CREM: variants seen among roughly 807,000 people sequenced by gnomAD.
CREM encodes cAMP-responsive element modulator.
Under a neutral mutation model 37.3 loss-of-function variants are expected in CREM, and 13 were observed. The ratio of observed to expected loss-of-function variants is 0.35; its 90% CI spans 0.23 to 0.55. The LOEUF (loss-of-function observed/expected upper bound fraction) is 0.55. Among genes scored for constraint, CREM ranks in the 20% least tolerant of loss-of-function variants. The pLI is 0.88. For missense variants in CREM, 296 were observed against 362.3 expected, an observed-to-expected ratio of 0.82 and a Z score of 1.49; for synonymous variants, 124 against 120.2, an observed-to-expected ratio of 1.03 and a Z score of -0.21.
chr10:35,187,049 TA>T (rs1324499691), intron 5 of CREM, among the ~76,000 whole-genome samples: 4 of 68,974 alleles, frequency 5.8e-5, no homozygotes, highest in African/African-American at 2.3e-4. Flanking sequence ...ATATTATATA[TA>T]ATTAATATAT....
chr10:35,198,015 T>C (rs1044039135), intron 6 of CREM, among the ~76,000 whole-genome samples: 1 of 152,194 alleles, frequency 6.6e-6, no homozygotes. Context: ...ATAATTCTTA[T>C]CCTTACAAAA....
At chr10:35,129,786 G>A (rs905873543) in intron 1 of CREM, among the ~76,000 whole-genome samples, 4 of 152,122 alleles carry the variant, frequency 2.6e-5, no homozygotes, top group Non-Finnish European at 5.9e-5. Flanking sequence ...CTGAAATACC[G>A]AATTTTATTG....
chr10:35,132,760 C>T (rs2135434688), intron 1 of CREM, among the ~76,000 whole-genome samples: 1 of 152,306 alleles, frequency 6.6e-6, no homozygotes, highest in Middle Eastern at 3.4e-3. Context: ...TAACCATAGT[C>T]TCATCCCCGT....
Position 35,211,806 on chromosome 10 carries a change from A to T in CREM, c.*408A>T. The T allele has an allele frequency of 6.2e-7, 1 of 1,601,296 alleles. No individual in the cohort carries two copies. Among genetic ancestry groups the T allele is most frequent in the African/African-American group, 1.3e-5 (1 of 74,250 alleles). On this transcript the variant is annotated 3_prime_UTR_variant, in exon 8 of 8. Coordinates refer to ENST00000685392, the MANE Select transcript of CREM (RefSeq NM_183011.2). ...GTTCTCCCAAAACAGATTACTAGAA[A>T]TATTTAACTATGAACTGAAGGCAGC...
chr10:35,167,622 C>A, intron 3 of CREM: 1 of 1,090,534 alleles, frequency 9.2e-7, no homozygotes, highest in Non-Finnish European at 1.4e-6. Context: ...ATAAGTGTCA[C>A]TATTAGGGTT....
chr10:35,172,589 T>G (rs746859779), intron 3 of CREM, among the ~76,000 whole-genome samples: 19 of 151,064 alleles, frequency 1.3e-4, no homozygotes, highest in Non-Finnish European at 1.9e-4. Context: ...TTTTTTTAAG[T>G]CAGTTTTACT....
At chr10:35,200,197 A>AT (rs2095342859) in intron 6 of CREM, among the ~76,000 whole-genome samples, 1 of 151,996 alleles carries the variant, frequency 6.6e-6, no homozygotes, top group Non-Finnish European at 1.5e-5. Context: ...CTAAAATTGA[A>AT]TTTTTTATAG....
chr10:35,188,640 GAGAT>G (rs1215520658), intron 6 of CREM, among the ~76,000 whole-genome samples: 1 of 151,568 alleles, frequency 6.6e-6, no homozygotes, highest in Non-Finnish European at 1.5e-5. Context: ...TAGAAAAAGA[GAGAT>G]AGAAACATGA....
chr10:35,170,738 G>C (rs989698723), intron 3 of CREM, among the ~76,000 whole-genome samples: 3 of 152,140 alleles, frequency 2.0e-5, no homozygotes, highest in Non-Finnish European at 1.5e-5. Flanking sequence ...TGTGGGGTCG[G>C]TGGTGATATC....
chr10:35,171,750 C>T (rs1279682794), intron 3 of CREM, among the ~76,000 whole-genome samples: 1 of 152,196 alleles, frequency 6.6e-6, no homozygotes, highest in African/African-American at 2.4e-5. Flanking sequence ...TCTTCAGATA[C>T]CTTATTCTAT....
intron 3 of CREM, among the ~76,000 whole-genome samples, chr10:35,150,333 A>G (rs114537235): frequency 0.014 from 2,139 of 151,958 alleles, 53 homozygotes; most frequent in African/African-American, 0.048. Context: ...CCCAGCCTGA[A>G]AGTACATTTT....
At chr10:35,161,604 AGT>A (rs1474639687) in intron 3 of CREM, among the ~76,000 whole-genome samples, 1 of 151,978 alleles carries the variant, frequency 6.6e-6, no homozygotes, top group African/African-American at 2.4e-5. Flanking sequence ...CAGAAGTTGC[AGT>A]GAGTCGAGAT....
chr10:35,173,675 C>T (rs1002365859), intron 3 of CREM, among the ~76,000 whole-genome samples: 32 of 152,114 alleles, frequency 2.1e-4, no homozygotes, highest in South Asian at 2.1e-4. Flanking sequence ...AATCTTTATC[C>T]GGCTTTGTGT....
rs2095669066 is a variant in CREM, at chr10:35,211,811, T to G, written c.*413T>G. ...CCCAAAACAGATTACTAGAAATATT[T>G]AACTATGAACTGAAGGCAGCATGTA... On this transcript the variant is annotated 3_prime_UTR_variant, in exon 8 of 8. Transcript: ENST00000685392. 1 of 1,600,904 alleles carries G rather than the reference T, an allele frequency of 6.2e-7. No individual in the cohort carries two copies. The highest frequency in any genetic ancestry group is 1.3e-5 in the African/African-American group (1 of 74,250).
In CREM at chr10:35,158,798, G is replaced by GTTTTTTTTT. The variant is rs543961468; in HGVS notation, c.168+10309_168+10317dup. On this transcript the variant is annotated intron_variant, in intron 3 of 7. Coordinates refer to ENST00000685392, the MANE Select transcript of CREM (RefSeq NM_183011.2). ...CTTTTTGGAGAGTAGCAAATATAGT[G>GTTTTTTTTT]TTTTTTTTTTGTTGTTTTGTTTGTT... Among the ~76,000 whole-genome samples, 3 of 100,836 alleles carry GTTTTTTTTT rather than the reference G, an allele frequency of 3.0e-5. 1 individual carries two copies. Among genetic ancestry groups the GTTTTTTTTT allele is most frequent in the Non-Finnish European group, 6.4e-5 (3 of 46,720 alleles). 66.2% of individuals were successfully genotyped at this position (100,836 alleles called of 152,430 possible).
At chr10:35,145,758 C>T (rs1217781659) in intron 2 of CREM, among the ~76,000 whole-genome samples, 1 of 106,390 alleles carries the variant, frequency 9.4e-6, no homozygotes, top group South Asian at 3.2e-4. Context: ...CCTGGGTTGA[C>T]AGAGTGAGAC....
intron 5 of CREM, among the ~76,000 whole-genome samples, chr10:35,183,593 T>C (rs527766746): frequency 3.7e-4 from 57 of 152,218 alleles, no homozygotes; most frequent in Non-Finnish European, 6.9e-4. Context: ...TCTCTTATGG[T>C]CACTCTGAAT....
At chr10:35,166,683 T>C (rs1006022945) in intron 3 of CREM, among the ~76,000 whole-genome samples, 2 of 151,096 alleles carry the variant, frequency 1.3e-5, no homozygotes, top group Non-Finnish European at 1.5e-5. Context: ...GAGCCAACAT[T>C]GTGCCACTGA....
intron 3 of CREM, chr10:35,148,726 C>G: frequency 2.4e-6 from 1 of 411,008 alleles, no homozygotes. Flanking sequence ...AAACAAAAAC[C>G]CTTCCTGAAT....
Sources: gnomAD v4.1 joint callset for allele counts (sites outside exome capture counted in the v4.1 genomes callset) on GRCh38, gnomAD v4.1.1 for gene constraint, MANE v1.5 for transcripts, NCBI Gene and HGNC (gene_info 2026-07-23, HGNC 2026-07-21) for gene names.